The following ALDH1A2 variants were observed in gnomAD, a reference collection of about 807,000 sequenced individuals.
The protein encoded by ALDH1A2 is retinal dehydrogenase 2.
A neutral mutation model predicts 60.3 loss-of-function variants in ALDH1A2; 27 were observed. The ratio of observed to expected loss-of-function variants is 0.45; its 90% confidence interval spans 0.33 to 0.62. The LOEUF is 0.62. ALDH1A2 is among the 20% of genes least tolerant of loss of function. ALDH1A2 has a pLI of 0.02. For synonymous variants in ALDH1A2, 289 were observed against 232.4 expected (o/e 1.24, Z -2.21); for missense variants, 581 against 643.8 (o/e 0.90, Z 1.06).
intron 1 of ALDH1A2, among the ~76,000 whole-genome samples, chr15:58,049,390 T>C (rs1486079553): frequency 6.6e-5 from 10 of 152,122 alleles, no homozygotes; most frequent in African/African-American, 1.9e-4. Flanking sequence ...AAACCATTTA[T>C]TGAGTGGTTG....
chr15:58,026,017 A>G (rs1896069498), intron 1 of ALDH1A2, among the ~76,000 whole-genome samples: 1 of 152,228 alleles, frequency 6.6e-6, no homozygotes, highest in African/African-American at 2.4e-5. Context: ...TTGCCACATG[A>G]GATTTGGAGG....
chr15:58,051,285 AT>A (rs1404337369), intron 1 of ALDH1A2, among the ~76,000 whole-genome samples: 1 of 152,136 alleles, frequency 6.6e-6, no homozygotes, highest in Non-Finnish European at 1.5e-5. Context: ...ATTGTGCATA[AT>A]TTATAGAGTT....
intron 1 of ALDH1A2, among the ~76,000 whole-genome samples, chr15:58,023,658 G>GAAAAA (rs57467358): frequency 1.5e-5 from 2 of 129,424 alleles, no homozygotes; most frequent in African/African-American, 5.8e-5. Flanking sequence ...AAAGTGCTGG[G>GAAAAA]AAAAAAAAAA....
At chr15:57,963,011 C>T (rs1893778645) in intron 9 of ALDH1A2, among the ~76,000 whole-genome samples, 1 of 152,136 alleles carries the variant, frequency 6.6e-6, no homozygotes, top group Admixed American at 6.5e-5. Context: ...CCCTCCCCAC[C>T]CCACTAAAGT....
intron 1 of ALDH1A2, among the ~76,000 whole-genome samples, chr15:58,030,068 C>A (rs1303318248): frequency 6.6e-6 from 1 of 152,178 alleles, no homozygotes; most frequent in Non-Finnish European, 1.5e-5. Flanking sequence ...ATACCAAAGT[C>A]TGGCAGAGAC....
intron 1 of ALDH1A2, among the ~76,000 whole-genome samples, chr15:58,033,230 G>A (rs767108522): frequency 1.3e-5 from 2 of 151,784 alleles, no homozygotes; most frequent in East Asian, 1.9e-4. Flanking sequence ...ATAAATATGT[G>A]CAAATAAAAA....
chr15:57,959,517 C>T (rs567097234), intron 12 of ALDH1A2, among the ~76,000 whole-genome samples: 1 of 152,276 alleles, frequency 6.6e-6, no homozygotes, highest in South Asian at 2.1e-4. Context: ...AAAGAGGAAT[C>T]ATCTATATAA....
At chr15:58,031,767 C>T (rs1896247193) in intron 1 of ALDH1A2, among the ~76,000 whole-genome samples, 1 of 152,170 alleles carries the variant, frequency 6.6e-6, no homozygotes, top group African/African-American at 2.4e-5. Flanking sequence ...CTCATCACCA[C>T]CGGTCATCAG....
intron 7 of ALDH1A2, among the ~76,000 whole-genome samples, chr15:57,987,464 A>G (rs1894742559): frequency 6.6e-6 from 1 of 152,252 alleles, no homozygotes. Context: ...TGATTGCTGT[A>G]TCTCATCAGA....
Position 57,954,957 on chromosome 15 carries a change from C to A in ALDH1A2, c.*240G>T. 1 of 587,502 alleles carries A rather than the reference C, an allele frequency of 1.7e-6. No individual in the cohort carries two copies. The highest frequency in any genetic ancestry group is 3.0e-6 in the Non-Finnish European group (1 of 327,924). The allele number at this position is 587,502 out of a possible 1,614,324, so 36.4% of individuals were successfully genotyped here. On this transcript the variant is annotated 3_prime_UTR_variant, in exon 13 of 13. Transcript: ENST00000249750. Reference sequence around the variant, plus strand: ...GATGTGTCTGCTAGCTCCTCCTCCTCCCTTTATCCCACTTTCCCCAATATT... The same window carrying A: ...GATGTGTCTGCTAGCTCCTCCTCCTACCTTTATCCCACTTTCCCCAATATT...
At chr15:58,061,276 A>G (rs981140324) in intron 1 of ALDH1A2, among the ~76,000 whole-genome samples, 9 of 150,676 alleles carry the variant, frequency 6.0e-5, no homozygotes, top group Non-Finnish European at 1.2e-4. Flanking sequence ...ATGAAAAAGT[A>G]TTTAAAAAAA....
intron 1 of ALDH1A2, among the ~76,000 whole-genome samples, chr15:58,015,872 G>A (rs556684925): frequency 6.6e-6 from 1 of 152,252 alleles, no homozygotes; most frequent in East Asian, 1.9e-4. Flanking sequence ...TAAATTATTG[G>A]TCTGGTTCTC....
chr15:57,980,018 T>A lies in ALDH1A2; in HGVS notation c.798+12687A>T, dbSNP rs1396397663. Reference sequence around the variant, plus strand: ...TGGCTGGCACAGTTATTTGTACCCATCTGGAGGCCAATGATCGAGTGGTCC... The same window carrying A: ...TGGCTGGCACAGTTATTTGTACCCAACTGGAGGCCAATGATCGAGTGGTCC... On this transcript the variant is annotated intron_variant, in intron 7 of 12. Transcript: ENST00000249750. 1.5e-5 allele frequency: 5 copies of A among 332,770 alleles called. No individual in the cohort carries two copies. In the Admixed American group the frequency reaches 1.6e-4, roughly 11 times the overall value. 20.6% of individuals were successfully genotyped at this position (332,770 alleles called of 1,614,324 possible). A position where few individuals can be genotyped will look rare whatever the true frequency, so the allele number is the denominator to read the frequency against.
chr15:57,963,296 GCTTT>G (rs1204593896), intron 9 of ALDH1A2, among the ~76,000 whole-genome samples: 1 of 151,832 alleles, frequency 6.6e-6, no homozygotes, highest in Non-Finnish European at 1.5e-5. Context: ...CATACTCATG[GCTTT>G]CTTTAGAACT....
At chr15:58,016,891 T>C (rs1232060296) in intron 1 of ALDH1A2, among the ~76,000 whole-genome samples, 2 of 152,226 alleles carry the variant, frequency 1.3e-5, no homozygotes, top group Non-Finnish European at 1.5e-5. Flanking sequence ...ATCTTTGCCA[T>C]ATTCTTTTCA....
chr15:57,978,293 A>T (rs12324197), intron 7 of ALDH1A2, among the ~76,000 whole-genome samples: 6 of 152,008 alleles, frequency 3.9e-5, no homozygotes, highest in Admixed American at 1.3e-4. Context: ...GAATGCTTCC[A>T]GCTTTTGTCC....
chr15:58,042,394 T>A (rs1429560159), intron 1 of ALDH1A2, among the ~76,000 whole-genome samples: 2 of 152,008 alleles, frequency 1.3e-5, no homozygotes, highest in African/African-American at 4.8e-5. Flanking sequence ...CACTACGTCA[T>A]CTTTACTTTT....
At chr15:58,004,156 C>G (rs1475010153) in intron 4 of ALDH1A2, among the ~76,000 whole-genome samples, 2 of 151,788 alleles carry the variant, frequency 1.3e-5, no homozygotes, top group Non-Finnish European at 2.9e-5. Flanking sequence ...CCCAAGTATT[C>G]TAGTTGAAGG....
intron 4 of ALDH1A2, among the ~76,000 whole-genome samples, chr15:57,996,485 T>C (rs1895067929): frequency 1.3e-5 from 2 of 151,498 alleles, no homozygotes; most frequent in South Asian, 2.1e-4. Context: ...TTCAGTCTTT[T>C]ATATTTTGTT....
Sources: allele counts gnomAD v4.1 joint callset (sites outside exome capture counted in the v4.1 genomes callset), GRCh38; gene constraint gnomAD v4.1.1; transcripts MANE v1.5; gene names NCBI Gene and HGNC (gene_info 2026-07-23, HGNC 2026-07-21).